The following ANO2 variants were observed in gnomAD, a reference collection of about 807,000 sequenced individuals.
The protein encoded by ANO2 is anoctamin 2.
In ANO2, 101 loss-of-function variants were observed where a neutral mutation model predicts 124.2. The observed-to-expected ratio is 0.81, with a 90% confidence interval of 0.69 to 0.96. The LOEUF is 0.96. Ranked by LOEUF, ANO2 falls within the 40% of genes least tolerant of loss-of-function variation. The pLI is 0.00. For synonymous variants in ANO2, 486 were observed against 482.5 expected, an observed-to-expected ratio of 1.01 and a Z score of -0.09; for missense variants, 1,293 against 1,274.5, an observed-to-expected ratio of 1.01 and a Z score of -0.22.
intron 7 of ANO2, among the ~76,000 whole-genome samples, chr12:5,822,341 T>C (rs1219353956): frequency 6.6e-6 from 1 of 152,220 alleles, no homozygotes; most frequent in Non-Finnish European, 1.5e-5. Context: ...AAGATATTTG[T>C]ATCCCATGTG....
At chr12:5,615,116 T>G in intron 17 of ANO2, 70 bp downstream of exon 17, 1 of 1,272,250 alleles carries the variant, frequency 7.9e-7, no homozygotes, top group Non-Finnish European at 1.1e-6. Context: ...GCTGACCCTA[T>G]TGTCCTGACA....
At chr12:5,910,290 G>C (rs1039718558) in intron 3 of ANO2, among the ~76,000 whole-genome samples, 1 of 152,090 alleles carries the variant, frequency 6.6e-6, no homozygotes, top group Non-Finnish European at 1.5e-5. Flanking sequence ...AGCGATTCTC[G>C]TGCCTCAGCC....
intron 13 of ANO2, among the ~76,000 whole-genome samples, chr12:5,737,675 C>T (rs946025517): frequency 1.3e-5 from 2 of 152,064 alleles, no homozygotes; most frequent in African/African-American, 4.8e-5. Context: ...CCCCAGCCTC[C>T]TCTCTCTCTG....
At chr12:5,903,296 G>A (rs12320367) in intron 3 of ANO2, among the ~76,000 whole-genome samples, 15,363 of 152,076 alleles carry the variant, frequency 0.1, 1,722 homozygotes, top group African/African-American at 0.28. Flanking sequence ...GAAACTCTAA[G>A]AACAGCTAAT....
At chr12:5,689,194 G>A (rs1249524565) in intron 14 of ANO2, among the ~76,000 whole-genome samples, 2 of 152,084 alleles carry the variant, frequency 1.3e-5, no homozygotes, top group Non-Finnish European at 1.5e-5. Flanking sequence ...AAAGGGAGAG[G>A]TTGGTACCAA....
At chr12:5,770,980 C>A (rs996333309) in intron 10 of ANO2, among the ~76,000 whole-genome samples, 2 of 152,210 alleles carry the variant, frequency 1.3e-5, no homozygotes, top group African/African-American at 4.8e-5. Flanking sequence ...CACCCCATCC[C>A]AAATGGCCCC....
intron 17 of ANO2, 102 bp downstream of exon 17, chr12:5,615,084 G>T: frequency 2.4e-6 from 2 of 840,924 alleles, no homozygotes; most frequent in Non-Finnish European, 3.7e-6. Context: ...AGGGGCTGAC[G>T]CTGAGTGGAC....
chr12:5,631,562 A>G (rs1312383634), intron 16 of ANO2, among the ~76,000 whole-genome samples: 2 of 152,192 alleles, frequency 1.3e-5, no homozygotes, highest in Non-Finnish European at 2.9e-5. Flanking sequence ...GGCACGGAGC[A>G]AGCACTCCAT....
At chr12:5,652,280 T>C (rs975781147) in intron 14 of ANO2, among the ~76,000 whole-genome samples, 1 of 152,192 alleles carries the variant, frequency 6.6e-6, no homozygotes, top group Non-Finnish European at 1.5e-5. Flanking sequence ...TAATTTAGAA[T>C]AGTTTTAGAC....
chr12:5,727,447 G>T (rs181496406), intron 14 of ANO2, among the ~76,000 whole-genome samples: 1 of 151,226 alleles, frequency 6.6e-6, no homozygotes, highest in South Asian at 2.1e-4. Flanking sequence ...ACTCAGTCTC[G>T]GGTATTTATA....
chr12:5,713,694 C>T (rs1949905163), intron 14 of ANO2, among the ~76,000 whole-genome samples: 1 of 152,192 alleles, frequency 6.6e-6, no homozygotes, highest in South Asian at 2.1e-4. Context: ...GTTTATAGAA[C>T]TGTTGTTACC....
intron 3 of ANO2, among the ~76,000 whole-genome samples, chr12:5,884,003 C>G (rs1023051285): frequency 6.6e-6 from 1 of 152,254 alleles, no homozygotes; most frequent in East Asian, 1.9e-4. Context: ...AACCAAGTCA[C>G]AGAAAAGTTA....
chr12:5,798,025 G>A (rs1209991567), intron 10 of ANO2, among the ~76,000 whole-genome samples: 1 of 152,130 alleles, frequency 6.6e-6, no homozygotes, highest in Non-Finnish European at 1.5e-5. Flanking sequence ...GGAAAAGATA[G>A]GGCTCTCTGG....
At chr12:5,933,423 A>C (rs186116354) in intron 1 of ANO2, among the ~76,000 whole-genome samples, 1 of 152,278 alleles carries the variant, frequency 6.6e-6, no homozygotes, top group Non-Finnish European at 1.5e-5. Context: ...GAACAACATA[A>C]TTAGATTACA....
chr12:5,943,192 T>C (rs950877792), intron 1 of ANO2, among the ~76,000 whole-genome samples: 2 of 152,140 alleles, frequency 1.3e-5, no homozygotes, highest in East Asian at 1.9e-4. Context: ...CAATTCACAA[T>C]TGCAAAGATA....
At chr12:5,618,295 G>A (rs1732077569) in intron 16 of ANO2, among the ~76,000 whole-genome samples, 1 of 152,142 alleles carries the variant, frequency 6.6e-6, no homozygotes, top group Non-Finnish European at 1.5e-5. Flanking sequence ...GGAAGCCATT[G>A]GTGCAAAGAG....
chr12:5,826,170 G>A (rs538468733), intron 7 of ANO2, among the ~76,000 whole-genome samples: 2 of 152,238 alleles, frequency 1.3e-5, no homozygotes, highest in South Asian at 4.1e-4. Context: ...ATTTGGATTG[G>A]GGATGAGTGC....
At chr12:5,890,889 GAC>G (rs1458077671) in intron 3 of ANO2, among the ~76,000 whole-genome samples, 1 of 152,154 alleles carries the variant, frequency 6.6e-6, no homozygotes, top group Non-Finnish European at 1.5e-5. Flanking sequence ...CCCTTGCAGT[GAC>G]ACAGAAAACA....
chr12:5,791,526 T>C (rs1952694306), intron 10 of ANO2, among the ~76,000 whole-genome samples: 1 of 152,126 alleles, frequency 6.6e-6, no homozygotes, highest in South Asian at 2.1e-4. Context: ...GGATTAACAC[T>C]AGAGGGCTGG....
Sources: allele counts gnomAD v4.1 joint callset (sites outside exome capture counted in the v4.1 genomes callset), GRCh38; gene constraint gnomAD v4.1.1; transcripts MANE v1.5; gene names NCBI Gene and HGNC (gene_info 2026-07-23, HGNC 2026-07-21).